Variants in ADAM20 observed in about 807,000 individuals in gnomAD.
The protein encoded by ADAM20 is ADAM metallopeptidase domain 20, also known as disintegrin and metalloproteinase domain-containing protein 20.
For missense variants in ADAM20, 871 were observed against 883.2 expected, an observed-to-expected ratio of 0.99 and a Z score of 0.18; for synonymous variants, 305 against 310.2, an observed-to-expected ratio of 0.98 and a Z score of 0.18.
At position 70,524,861 on chromosome 14, in the gene ADAM20, T is replaced by C. The variant is rs1883554009; in HGVS notation, c.-104A>G. 6.2e-7 allele frequency: 1 copy of C among 1,612,768 alleles called. No homozygotes were observed. The highest frequency in any genetic ancestry group is 2.2e-5 in the East Asian group (1 of 44,868). ...CTCTGAGCTGTTCAGGGTGCATGGC[T>C]GACCTTTAGGGATCTGGGGATCTGT... On this transcript the variant is annotated 5_prime_UTR_variant, in exon 2 of 2. Transcript: ENST00000256389.
At chr14:70,542,876 T>A in the ADAM20 span, among the ~76,000 whole-genome samples, 2 of 151,422 alleles carry the variant, frequency 1.3e-5, no homozygotes, top group African/African-American at 4.9e-5. Context: ...GAGGTGGAGG[T>A]TGCAGTGAGC....
the ADAM20 span, among the ~76,000 whole-genome samples, chr14:70,540,659 C>A: frequency 2.6e-5 from 4 of 152,208 alleles, no homozygotes; most frequent in Non-Finnish European, 4.4e-5. Flanking sequence ...AAGATAGCTA[C>A]ATCTTGAACT....
the ADAM20 span, among the ~76,000 whole-genome samples, chr14:70,543,992 T>C: frequency 6.6e-6 from 1 of 151,870 alleles, no homozygotes. Flanking sequence ...AAGTGACATC[T>C]CCAACCAGAA....
chr14:70,571,848 G>A, the ADAM20 span, among the ~76,000 whole-genome samples: 1 of 152,132 alleles, frequency 6.6e-6, no homozygotes, highest in Non-Finnish European at 1.5e-5. Flanking sequence ...CATTCAAGCT[G>A]AGAACCAAAT....
the ADAM20 span, among the ~76,000 whole-genome samples, chr14:70,565,337 A>G: frequency 4.6e-5 from 7 of 152,120 alleles, no homozygotes; most frequent in Non-Finnish European, 7.3e-5. Flanking sequence ...GAAGAGAAAG[A>G]GAAAGCGGTA....
chr14:70,558,586 G>A, the ADAM20 span, among the ~76,000 whole-genome samples: 1 of 152,084 alleles, frequency 6.6e-6, no homozygotes, highest in Admixed American at 6.6e-5. Context: ...ACAGATAAGA[G>A]TACAGAACTA....
the ADAM20 span, among the ~76,000 whole-genome samples, chr14:70,564,652 A>C: frequency 7.9e-5 from 12 of 152,148 alleles, no homozygotes; most frequent in Non-Finnish European, 1.8e-4. Flanking sequence ...TCAGTGAGAT[A>C]AAAGAGAATG....
chr14:70,530,611 C>T (rs1160326953), intron 1 of ADAM20, among the ~76,000 whole-genome samples: 1 of 152,074 alleles, frequency 6.6e-6, no homozygotes, highest in Non-Finnish European at 1.5e-5. Context: ...TAGATGGCTA[C>T]AAAGTCACTA....
At chr14:70,544,577 A>G in the ADAM20 span, among the ~76,000 whole-genome samples, 1 of 152,196 alleles carries the variant, frequency 6.6e-6, no homozygotes, top group African/African-American at 2.4e-5. Flanking sequence ...AACAGAGAAA[A>G]TACCTAATTA....
At chr14:70,571,908 AAT>A in the ADAM20 span, among the ~76,000 whole-genome samples, 2,504 of 152,316 alleles carry the variant, frequency 0.016, 27 homozygotes, top group Non-Finnish European at 0.022. Flanking sequence ...AATAAGTAGG[AAT>A]ATGTTTAACC....
Position 70,522,616 on chromosome 14 carries a change from A to T in ADAM20, c.2142T>A (p.Phe714Leu), listed in dbSNP as rs1883475200. 1.2e-6 allele frequency: 2 copies of T among 1,612,254 alleles called. No homozygotes were observed. The highest frequency in any genetic ancestry group is 1.3e-5 in the African/African-American group (1 of 74,768). The change falls in exon 2 of 2, where the codon TTT (phenylalanine) becomes TTA (leucine). Residue 714 changes from phenylalanine (F) to leucine (L), a missense_variant. Transcript: ENST00000256389. ...AFLLFCLHVL[F>L]KKRTKSKEDE... Reference sequence around the variant, plus strand: ...CTTCTTTACTTTTTGTGCGTTTCTTAAAAAGCACATGTAAGCAAAATAATA... The same window carrying T: ...CTTCTTTACTTTTTGTGCGTTTCTTTAAAAGCACATGTAAGCAAAATAATA...
At chr14:70,539,661 G>C (rs543237578), upstream of ADAM20, among the ~76,000 whole-genome samples, 11 of 152,300 alleles carry the variant, frequency 7.2e-5, no homozygotes, top group African/African-American at 2.6e-4. Context: ...GTTATGGAAA[G>C]ACTGTGTTTC....
chr14:70,523,148 T>A lies in ADAM20; in HGVS notation c.1610A>T (p.Gln537Leu). ...SQSCYQEINT[Q>L]GNRFGHCGIV... is the part of the protein sequence containing the mutation. ...ACCACAGTGACCGAAACGGTTTCCT[T>A]GGGTGTTGATTTCTTGGTAGCAACT... Residue 537 changes from glutamine (Q) to leucine (L), a missense_variant, in exon 2 of 2, where the codon CAA becomes CTA. Physicochemically the swap from Gln to Leu is moderately radical, Grantham distance 113. Transcript: ENST00000256389. 6.2e-7 allele frequency: 1 copy of A among 1,613,994 alleles called. No homozygotes were observed. Among genetic ancestry groups the A allele is most frequent in the African/African-American group, 1.3e-5 (1 of 75,018 alleles).
chr14:70,566,745 C>T, the ADAM20 span, among the ~76,000 whole-genome samples: 2 of 151,976 alleles, frequency 1.3e-5, no homozygotes, highest in Non-Finnish European at 2.9e-5. Context: ...TTTGGGAGGC[C>T]GAGGCAGGCA....
chr14:70,558,602 G>C, the ADAM20 span, among the ~76,000 whole-genome samples: 1 of 152,140 alleles, frequency 6.6e-6, no homozygotes, highest in African/African-American at 2.4e-5. Flanking sequence ...AACTATAGTG[G>C]AGTGGGGTAA....
chr14:70,566,036 A>T, the ADAM20 span, among the ~76,000 whole-genome samples: 1 of 152,210 alleles, frequency 6.6e-6, no homozygotes, highest in African/African-American at 2.4e-5. Context: ...GAAGTTCATC[A>T]CCACTATGTT....
chr14:70,563,064 G>T, the ADAM20 span, among the ~76,000 whole-genome samples: 1 of 152,072 alleles, frequency 6.6e-6, no homozygotes, highest in South Asian at 2.1e-4. Context: ...ATATTCCTTA[G>T]CAATCTGAGA....
intron 1 of ADAM20, among the ~76,000 whole-genome samples, chr14:70,531,089 G>C (rs1374541588): frequency 2.6e-5 from 4 of 151,984 alleles, no homozygotes; most frequent in Non-Finnish European, 4.4e-5. Flanking sequence ...CCTTTAACTA[G>C]AGCAGCTAAG....
upstream of ADAM20, among the ~76,000 whole-genome samples, chr14:70,536,073 C>G (rs1014909740): frequency 6.6e-6 from 1 of 151,994 alleles, no homozygotes; most frequent in South Asian, 2.1e-4. Context: ...TAAAAACATC[C>G]AACAATTGCA....
Sources: allele counts gnomAD v4.1 joint callset (sites outside exome capture counted in the v4.1 genomes callset), GRCh38; gene constraint gnomAD v4.1.1; transcripts MANE v1.5; gene names NCBI Gene and HGNC (gene_info 2026-07-23, HGNC 2026-07-21).